Variants in NDE1 observed in about 807,000 individuals in gnomAD.
NDE1 encodes nuclear distribution protein nudE homolog 1.
NDE1 carries 28 observed loss-of-function variants against 43.4 expected under a neutral mutation model. The observed-to-expected ratio is 0.65, with a 90% CI of 0.48 to 0.89. The LOEUF (loss-of-function observed/expected upper bound fraction) is 0.89. NDE1 is among the 40% of genes least tolerant of loss of function. NDE1 has a pLI of 0.00. For synonymous variants in NDE1, 184 were observed against 172.0 expected (o/e 1.07, Z -0.55); for missense variants, 441 against 434.1 (o/e 1.02, Z -0.14).
intron 5 of NDE1, among the ~76,000 whole-genome samples, chr16:15,690,353 CTTTTTTT>C (rs869069843): frequency 2.5e-3 from 206 of 80,958 alleles, no homozygotes; most frequent in African/African-American, 8.7e-3. Context: ...TTTTTTTTTT[CTTTTTTT>C]TTTTTTTTTT....
intron 3 of NDE1, among the ~76,000 whole-genome samples, chr16:15,673,329 G>A (rs118008114): frequency 6.6e-5 from 10 of 151,820 alleles, no homozygotes; most frequent in South Asian, 2.1e-4. Context: ...CCTGCCTCCC[G>A]GGTAGCTGGG....
At chr16:15,675,649 A>G (rs2037831944) in intron 3 of NDE1, among the ~76,000 whole-genome samples, 7 of 151,868 alleles carry the variant, frequency 4.6e-5, no homozygotes, top group Admixed American at 4.6e-4. Flanking sequence ...GCTGGTCGAG[A>G]ACTCCTGGGC....
chr16:15,712,882 G>GTTTTTTTTTTTTTTTTTTTTTTTGTTTT, intron 8 of NDE1: 1 of 90,636 alleles, frequency 1.1e-5, no homozygotes, highest in Non-Finnish European at 2.3e-5. Context: ...TTCACATACA[G>GTTTTTTTTTTTTTTTTTTTTTTTGTTTT]TTTTTTTTTT....
intron 1 of NDE1, among the ~76,000 whole-genome samples, chr16:15,655,117 A>C (rs1287875737): frequency 6.6e-6 from 1 of 152,000 alleles, no homozygotes; most frequent in Non-Finnish European, 1.5e-5. Context: ...CTCTGGGTTC[A>C]AGCAATTCTT....
chr16:15,681,432 T>G (rs2038178052), intron 4 of NDE1, among the ~76,000 whole-genome samples: 1 of 151,578 alleles, frequency 6.6e-6, no homozygotes, highest in South Asian at 2.1e-4. Flanking sequence ...ACCTGGCTAA[T>G]TTTTGTATTT....
chr16:15,686,951 C>G, intron 4 of NDE1: 2 of 982,248 alleles, frequency 2.0e-6, no homozygotes, highest in Non-Finnish European at 2.4e-6. Context: ...CCTGCCTCGG[C>G]CTCCCAAAGG....
intron 1 of NDE1, among the ~76,000 whole-genome samples, chr16:15,660,629 T>TC (rs35337506): frequency 6.6e-6 from 1 of 152,220 alleles, no homozygotes; most frequent in African/African-American, 2.4e-5. Flanking sequence ...CTTTTTCACC[T>TC]CCCAGTTACT....
Position 15,694,180 on chromosome 16 carries a change from C to A in NDE1, c.719C>A (p.Thr240Asn). The A allele has an allele frequency of 6.2e-7, 1 of 1,612,932 alleles. No homozygotes were observed. Among genetic ancestry groups the A allele is most frequent in the Non-Finnish European group, 8.5e-7 (1 of 1,180,012 alleles). The change falls in exon 7 of 9, where the codon ACC becomes AAC. Residue 240 changes from threonine (T) to asparagine (N), a missense_variant. Coordinates refer to ENST00000396354, the MANE Select transcript of NDE1 (RefSeq NM_017668.3). Reference sequence around the variant, plus strand: ...GCACACCCAGGCCTGGACGACTCCACCGGGGGGACCCCCCTCACACCTGCG... The same window carrying A: ...GCACACCCAGGCCTGGACGACTCCAACGGGGGGACCCCCCTCACACCTGCG... Reference protein sequence around the residue: ...GSFRRGLDDSTGGTPLTPAAR... With the variant: ...GSFRRGLDDSNGGTPLTPAAR...
At chr16:15,664,306 G>C (rs2037191324) in intron 1 of NDE1, among the ~76,000 whole-genome samples, 1 of 152,090 alleles carries the variant, frequency 6.6e-6, no homozygotes. Context: ...TTTGGGTTTA[G>C]CTTCAGATTT....
At chr16:15,700,081 A>G (rs114518233) in intron 8 of NDE1, 6 of 1,162,756 alleles carry the variant, frequency 5.2e-6, no homozygotes, top group African/African-American at 3.2e-5. Flanking sequence ...GAAGGGCTCT[A>G]AGTTGTCGGT....
chr16:15,659,962 T>A (rs1940232755), intron 1 of NDE1, among the ~76,000 whole-genome samples: 1 of 151,734 alleles, frequency 6.6e-6, no homozygotes, highest in Admixed American at 6.6e-5. Context: ...TTGGCCAGGC[T>A]GGTCTCAAAC....
In NDE1 at chr16:15,718,306, G is replaced by A. The variant is rs199798923; in HGVS notation, c.948-5885G>A. 27 of 1,608,254 alleles carry A rather than the reference G, an allele frequency of 1.7e-5. No individual in the cohort carries two copies. The highest frequency in any genetic ancestry group is 6.7e-5 in the East Asian group (3 of 44,858). ...GGCAGCGTGACTGTGGTGTCCAGGCGGCCCTCACCTGCTGTGTGGCTTTGC... is the reference window on the plus strand; with the variant it reads ...GGCAGCGTGACTGTGGTGTCCAGGCAGCCCTCACCTGCTGTGTGGCTTTGC... On this transcript the variant is annotated intron_variant, in intron 8 of 8. Transcript: ENST00000396354.
chr16:15,664,139 A>C (rs1720082951), intron 1 of NDE1, among the ~76,000 whole-genome samples: 1 of 152,058 alleles, frequency 6.6e-6, no homozygotes, highest in African/African-American at 2.4e-5. Context: ...TCCCTCCACC[A>C]GACTGTGAGG....
intron 7 of NDE1, chr16:15,695,556 T>A (rs542302595): frequency 2.0e-6 from 2 of 985,206 alleles, no homozygotes; most frequent in African/African-American, 3.5e-5. Context: ...TTTCAGCTTT[T>A]ATGTTAATTA....
At position 15,677,899 on chromosome 16, in the gene NDE1, A is replaced by C. The variant is rs748775837; in HGVS notation, c.336A>C (p.Lys112Asn). 2 of 1,614,094 alleles carry C rather than the reference A, an allele frequency of 1.2e-6. No homozygotes were observed. The highest frequency in any genetic ancestry group is 2.2e-5 in the East Asian group (1 of 44,880). ...QTKAIKDQLQ[K>N]YIRELEQAND... is the part of the protein sequence containing the mutation. ...AAGCCATTAAAGACCAATTGCAGAAATACATCAGAGAGCTGGAGCAAGCAA... is the reference window on the plus strand; with the variant it reads ...AAGCCATTAAAGACCAATTGCAGAACTACATCAGAGAGCTGGAGCAAGCAA... The change falls in exon 4 of 9, where the codon AAA becomes AAC. Residue 112 changes from lysine to asparagine, a missense_variant. Physicochemically the swap from Lys to Asn is moderately conservative, Grantham distance 94 (BLOSUM62 0). Transcript: ENST00000396354.
chr16:15,718,625 G>A (rs986763461), intron 8 of NDE1: 3 of 852,308 alleles, frequency 3.5e-6, no homozygotes, highest in South Asian at 1.8e-5. Flanking sequence ...CTCAGGCCGG[G>A]TCCGTGTCAG....
chr16:15,687,305 C>A, intron 4 of NDE1, 70 bp from the exon 5 acceptor site: 1 of 1,611,484 alleles, frequency 6.2e-7, no homozygotes, highest in Non-Finnish European at 8.5e-7. Context: ...CTTCGCACCT[C>A]CTGGATCCGC....
chr16:15,685,908 G>A (rs1314158034), intron 4 of NDE1, among the ~76,000 whole-genome samples: 1 of 151,526 alleles, frequency 6.6e-6, no homozygotes, highest in Admixed American at 6.6e-5. Flanking sequence ...AAAATTTATA[G>A]ATGTGTGCTT....
At chr16:15,690,621 G>A (rs373476722) in intron 5 of NDE1, among the ~76,000 whole-genome samples, 7 of 151,892 alleles carry the variant, frequency 4.6e-5, no homozygotes, top group Admixed American at 3.9e-4. Flanking sequence ...TTAAAAATCT[G>A]AAACCATTTT....
Sources: gnomAD v4.1 joint callset for allele counts (sites outside exome capture counted in the v4.1 genomes callset) on GRCh38, gnomAD v4.1.1 for gene constraint, MANE v1.5 for transcripts, NCBI Gene and HGNC (gene_info 2026-07-23, HGNC 2026-07-21) for gene names.